TENM4: variants seen among roughly 807,000 people sequenced by gnomAD.
The protein encoded by TENM4 is teneurin transmembrane protein 4.
Under a neutral mutation model 243.3 loss-of-function variants are expected in TENM4, and 82 were observed. The ratio of observed to expected loss-of-function variants is 0.34; its 90% CI spans 0.28 to 0.40. The LOEUF (loss-of-function observed/expected upper bound fraction) is 0.40. Among genes scored for constraint, TENM4 ranks in the 10% least tolerant of loss-of-function variants. The pLI, the probability that TENM4 is intolerant of heterozygous loss-of-function variation, is 1.00. For synonymous variants in TENM4, 1,412 were observed against 1,456.3 expected, an observed-to-expected ratio of 0.97 and a Z score of 0.69; for missense variants, 3,138 against 3,673.3, an observed-to-expected ratio of 0.85 and a Z score of 3.77.
At chr11:78,814,539 T>TAACA in intron 12 of TENM4, 144 bp from the exon 13 acceptor site, 1 of 666,176 alleles carries the variant, frequency 1.5e-6, no homozygotes, top group Non-Finnish European at 2.6e-6. Context: ...GGAGTTAAAA[T>TAACA]TCTATGTTAT....
intron 1 of TENM4, among the ~76,000 whole-genome samples, chr11:79,298,726 C>A (rs1425305665): frequency 6.6e-6 from 1 of 152,074 alleles, no homozygotes; most frequent in Non-Finnish European, 1.5e-5. Flanking sequence ...GGAGAGTTTA[C>A]AGGGAAGAAA....
chr11:79,309,719 G>T (rs887606548), intron 1 of TENM4, among the ~76,000 whole-genome samples: 3 of 152,310 alleles, frequency 2.0e-5, no homozygotes, highest in Admixed American at 6.5e-5. Context: ...GCTGGAAGGG[G>T]CCCTCATTTG....
At chr11:79,060,798 T>C in intron 6 of TENM4, among the ~76,000 whole-genome samples, 1 of 152,162 alleles carries the variant, frequency 6.6e-6, no homozygotes, top group Non-Finnish European at 1.5e-5. Flanking sequence ...TAAAGGCAAT[T>C]GCACATGTAC....
intron 15 of TENM4, among the ~76,000 whole-genome samples, chr11:78,804,420 TA>T (rs1284721410): frequency 6.6e-6 from 1 of 152,182 alleles, no homozygotes; most frequent in Non-Finnish European, 1.5e-5. Context: ...TGTAAATTGG[TA>T]AAACATGGAT....
intron 4 of TENM4, among the ~76,000 whole-genome samples, chr11:79,119,716 G>A (rs1237881998): frequency 6.6e-6 from 1 of 152,132 alleles, no homozygotes; most frequent in East Asian, 1.9e-4. Flanking sequence ...AGCCACAACA[G>A]CCTCTTGCTC....
At chr11:79,129,784 T>G (rs960576254) in intron 4 of TENM4, among the ~76,000 whole-genome samples, 6 of 152,118 alleles carry the variant, frequency 3.9e-5, no homozygotes, top group South Asian at 4.1e-4. Context: ...CCCGACCTGA[T>G]GGTCCTTTCG....
At chr11:78,665,214 T>G (rs1048312485) in intron 32 of TENM4, among the ~76,000 whole-genome samples, 11 of 151,924 alleles carry the variant, frequency 7.2e-5, no homozygotes, top group African/African-American at 2.4e-4. Flanking sequence ...CCTTTTTATT[T>G]TCTTTTTCTT....
intron 6 of TENM4, among the ~76,000 whole-genome samples, chr11:79,039,983 T>G (rs1356531832): frequency 6.6e-6 from 1 of 151,998 alleles, no homozygotes; most frequent in Non-Finnish European, 1.5e-5. Flanking sequence ...TCACTGAATC[T>G]TTTGGGGACC....
At chr11:79,223,120 A>G (rs1034323013) in intron 2 of TENM4, among the ~76,000 whole-genome samples, 9 of 152,262 alleles carry the variant, frequency 5.9e-5, no homozygotes, top group Non-Finnish European at 1.0e-4. Flanking sequence ...CATCCTGCAC[A>G]TGTATCCCAG....
chr11:79,020,334 C>T (rs781062127), intron 6 of TENM4, among the ~76,000 whole-genome samples: 39 of 152,288 alleles, frequency 2.6e-4, no homozygotes, highest in Non-Finnish European at 4.3e-4. Context: ...ATGTTGAGCT[C>T]ATGTCGCTAA....
chr11:78,657,504 A>G lies in TENM4; in HGVS notation c.*554T>C. The G allele has an allele frequency of 3.4e-6, 1 of 294,204 alleles. No homozygotes were observed. The highest frequency in any genetic ancestry group is 6.3e-6 in the Non-Finnish European group (1 of 159,744). The allele number at this position is 294,204 out of a possible 1,614,324, so 18.2% of individuals were successfully genotyped here. ...ATCTATGATCCTCTGGAGGCAGAGAACAAGGTGAGAAGAAATCCACCACTC... is the reference window on the plus strand; with the variant it reads ...ATCTATGATCCTCTGGAGGCAGAGAGCAAGGTGAGAAGAAATCCACCACTC... On this transcript the variant is annotated 3_prime_UTR_variant, in exon 34 of 34. Transcript: ENST00000278550.
intron 2 of TENM4, among the ~76,000 whole-genome samples, chr11:79,277,243 T>G (rs975893686): frequency 2.0e-5 from 3 of 152,094 alleles, no homozygotes; most frequent in African/African-American, 7.2e-5. Flanking sequence ...GGGCAGGGCA[T>G]TGGGATGAGG....
intron 4 of TENM4, among the ~76,000 whole-genome samples, chr11:79,090,206 CAAG>C (rs1860912220): frequency 6.6e-6 from 1 of 152,226 alleles, no homozygotes; most frequent in Admixed American, 6.5e-5. Flanking sequence ...CTGCCGTCTG[CAAG>C]AGGATTTCCC....
chr11:79,017,242 G>A (rs1024028917), intron 6 of TENM4, among the ~76,000 whole-genome samples: 9 of 152,190 alleles, frequency 5.9e-5, no homozygotes, highest in East Asian at 1.9e-4. Flanking sequence ...CACTCTGTGA[G>A]GAATGGCTGA....
intron 1 of TENM4, among the ~76,000 whole-genome samples, chr11:79,424,311 G>T (rs1343852749): frequency 6.6e-6 from 1 of 152,146 alleles, no homozygotes; most frequent in Non-Finnish European, 1.5e-5. Context: ...GTCATTTGTG[G>T]CAAAGTTGGC....
chr11:78,932,233 C>A (rs988291543), intron 6 of TENM4, among the ~76,000 whole-genome samples: 2 of 152,204 alleles, frequency 1.3e-5, no homozygotes, highest in Non-Finnish European at 2.9e-5. Flanking sequence ...ACACAATAAA[C>A]AAGTCAGAAA....
intron 1 of TENM4, among the ~76,000 whole-genome samples, chr11:79,413,885 A>G (rs1858755095): frequency 6.6e-6 from 1 of 152,166 alleles, no homozygotes; most frequent in Non-Finnish European, 1.5e-5. Flanking sequence ...AGAAAAATAT[A>G]TATCTACACA....
intron 6 of TENM4, among the ~76,000 whole-genome samples, chr11:78,920,028 C>T (rs1010081935): frequency 6.6e-6 from 1 of 152,118 alleles, no homozygotes; most frequent in African/African-American, 2.4e-5. Flanking sequence ...AATCTGTGAG[C>T]CCCTCGAGAT....
At position 79,017,528 on chromosome 11, in the gene TENM4, C is replaced by T. The variant is rs78400919; in HGVS notation, c.493+47210G>A. Among the ~76,000 whole-genome samples the T allele has an allele frequency of 2.3e-3, 343 of 151,646 alleles. 9 individuals are homozygous for T. In the East Asian group the frequency reaches 0.031, roughly 14 times the overall value. On this transcript the variant is annotated intron_variant, in intron 6 of 33. Coordinates refer to ENST00000278550, the MANE Select transcript of TENM4 (RefSeq NM_001098816.3). ...TGCAGAAAGAAACCCTGAGAGGATA[C>T]ACAAAAAAACAAAAAGTGGTTATCT...
Sources: gnomAD v4.1 joint callset for allele counts (sites outside exome capture counted in the v4.1 genomes callset) on GRCh38, gnomAD v4.1.1 for gene constraint, MANE v1.5 for transcripts, NCBI Gene and HGNC (gene_info 2026-07-23, HGNC 2026-07-21) for gene names.